The following GPSM2 variants were observed in gnomAD, a reference collection of about 807,000 sequenced individuals.
GPSM2 encodes the protein G protein-signaling modulator 2.
In GPSM2, 58 loss-of-function variants were observed where a neutral mutation model predicts 78.4. That is an observed-to-expected ratio of 0.74 (90% CI 0.60 to 0.92). The LOEUF (loss-of-function observed/expected upper bound fraction) is 0.92. Ranked by LOEUF, GPSM2 falls within the 40% of genes least tolerant of loss-of-function variation. The pLI is 0.00. For synonymous variants in GPSM2, 224 were observed against 280.2 expected, an observed-to-expected ratio of 0.80 and a Z score of 2.00; for missense variants, 700 against 815.5, an observed-to-expected ratio of 0.86 and a Z score of 1.73.
rs147906282 is a variant in GPSM2, at chr1:108,922,448, G to A, written c.1472G>A (p.Gly491Glu). 2.5e-6 allele frequency: 4 copies of A among 1,611,928 alleles called. No individual in the cohort carries two copies. Among genetic ancestry groups the A allele is most frequent in the Admixed American group, 1.7e-5 (1 of 59,986 alleles). Residue 491 changes from glycine (G) to glutamate (E), a missense_variant, in exon 13 of 15, where the codon GGG becomes GAG. Coordinates refer to ENST00000264126, the MANE Select transcript of GPSM2 (RefSeq NM_013296.5). ...AGTGCAGATACTATTGGAGATGAAG[G>A]GTTCTTTGACTTATTAAGCCGATTT... ...KISADTIGDE[G>E]FFDLLSRFQS...
At position 108,929,995 on chromosome 1, in the gene GPSM2, CT is replaced by C; in HGVS notation, c.*61del. On this transcript the variant is annotated 3_prime_UTR_variant, in exon 15 of 15. Coordinates refer to ENST00000264126, the MANE Select transcript of GPSM2 (RefSeq NM_013296.5). ...AACACGGTAAGGAAACAATCTATTACTTTTTTCCTTAAAAGGAGAATTTATA... is the reference window on the plus strand; with the variant it reads ...AACACGGTAAGGAAACAATCTATTACTTTTTCCTTAAAAGGAGAATTTATA... 2.7e-6 allele frequency: 4 copies of C among 1,506,644 alleles called. No homozygotes were observed. The highest frequency in any genetic ancestry group is 1.7e-5 in the Admixed American group (1 of 57,624). The allele number at this position is 1,506,644 out of a possible 1,614,324, so 93.3% of individuals were successfully genotyped here. A position where few individuals can be genotyped will look rare whatever the true frequency, so the allele number is the denominator to read the frequency against.
chr1:108,898,828 T>A (rs1044354230), intron 6 of GPSM2, 51 bp from the exon 7 acceptor site: 5 of 1,603,092 alleles, frequency 3.1e-6, no homozygotes, highest in Non-Finnish European at 4.3e-6. Flanking sequence ...AGTGATTAGA[T>A]CATTCTTCAG....
rs184295904 is a variant in GPSM2 at position 108,904,470 on chromosome 1, G to A, written c.1192+216G>A. Among the ~76,000 whole-genome samples, 232 of 148,536 alleles carry A rather than the reference G, an allele frequency of 1.6e-3. 1 individual carries two copies. Among genetic ancestry groups the A allele is most frequent in the African/African-American group, 3.8e-3 (157 of 40,904 alleles). ...TAATTATAATATATAATTTATAAGT[G>A]TAAAACAATATTTTATAGTTTTTAC... On this transcript the variant is annotated intron_variant, in intron 10 of 14. Coordinates refer to ENST00000264126, the MANE Select transcript of GPSM2 (RefSeq NM_013296.5).
rs1570876539 is a variant in GPSM2, at chr1:108,885,484, TA to T, written c.-35del. 8.5e-7 allele frequency: 1 copy of T among 1,171,020 alleles called. No individual in the cohort carries two copies. The highest frequency in any genetic ancestry group is 1.3e-6 in the Non-Finnish European group (1 of 778,980). 72.5% of individuals were successfully genotyped at this position (1,171,020 alleles called of 1,614,324 possible). ...TGTAAAGGACTGGATTGGCACAAAA[TA>T]AAATAATTTTATTTTATTCAGCTTA... is the stretch of plus-strand genomic sequence containing the variant. On this transcript the variant is annotated 5_prime_UTR_variant, in exon 2 of 15. Transcript: ENST00000264126.
chr1:108,917,611 C>CACACACATATAT (rs1312607573), intron 11 of GPSM2, among the ~76,000 whole-genome samples: 17 of 22,660 alleles, frequency 7.5e-4, no homozygotes, highest in Non-Finnish European at 1.1e-3. Context: ...CACACACACA[C>CACACACATATAT]ATATATATAT....
chr1:108,897,761 T>C (rs1246837712), intron 4 of GPSM2, 134 bp downstream of exon 4: 3 of 981,660 alleles, frequency 3.1e-6, no homozygotes, highest in Non-Finnish European at 4.4e-6. Context: ...CTAATAGAAG[T>C]AAAAGAAAAA....
Position 108,885,722 on chromosome 1 carries a change from G to GT in GPSM2, c.56+145dup, listed in dbSNP as rs150095508. The GT allele has an allele frequency of 0.043, 28,064 of 648,348 alleles. 783 individuals are homozygous for GT. The highest frequency in any genetic ancestry group is 0.087 in the African/African-American group (4,828 of 55,266). 40.2% of individuals were successfully genotyped at this position (648,348 alleles called of 1,614,324 possible). A position where few individuals can be genotyped will look rare whatever the true frequency, so the allele number is the denominator to read the frequency against. On this transcript the variant is annotated intron_variant, in intron 2 of 14. Coordinates refer to ENST00000264126, the MANE Select transcript of GPSM2 (RefSeq NM_013296.5). ...CTGTAGACAATATTTTCTTTTTGTT[G>GT]TAAGTTTTCCTTTCTGTAAGAAAAT... is the stretch of plus-strand genomic sequence containing the variant.
rs1485265030 is a variant in GPSM2 at position 108,918,663 on chromosome 1, C to T, written c.1314C>T (p.Ala438=). 2.5e-6 allele frequency: 4 copies of T among 1,613,168 alleles called. No individual in the cohort carries two copies. Among genetic ancestry groups the T allele is most frequent in the African/African-American group, 2.7e-5 (2 of 74,902 alleles). Residue 438 remains alanine (A), a synonymous_variant, in exon 12 of 15, where the codon GCC becomes GCT. Transcript: ENST00000264126. ...EILAKQKPLI[A]KPSAKLLFVN... ...TTGCTAAGCAAAAACCTCTTATTGCCAAACCTTCTGCAAAGCTACTCTTTG... is the reference window on the plus strand; with the variant it reads ...TTGCTAAGCAAAAACCTCTTATTGCTAAACCTTCTGCAAAGCTACTCTTTG...
chr1:108,922,133 A>G (rs904500065), intron 12 of GPSM2, among the ~76,000 whole-genome samples: 3 of 152,222 alleles, frequency 2.0e-5, no homozygotes, highest in Admixed American at 6.5e-5. Context: ...AGCCTGAAGT[A>G]CAGGCCTGTA....
chr1:108,916,471 G>T (rs1650240045), intron 11 of GPSM2, among the ~76,000 whole-genome samples: 1 of 152,108 alleles, frequency 6.6e-6, no homozygotes. Context: ...AATTTTTAAA[G>T]GACTTTGTGA....
intron 2 of GPSM2, among the ~76,000 whole-genome samples, chr1:108,888,979 A>G (rs1647768579): frequency 6.6e-6 from 1 of 152,202 alleles, no homozygotes; most frequent in African/African-American, 2.4e-5. Context: ...GGAATTATAT[A>G]CTTTTTTCTT....
intron 4 of GPSM2, 74 bp downstream of exon 4, chr1:108,897,701 A>T: frequency 7.8e-7 from 1 of 1,276,724 alleles, no homozygotes; most frequent in Admixed American, 2.1e-5. Context: ...CTATTTAATT[A>T]TTCTATAGTT....
chr1:108,916,516 T>C (rs941373702), intron 11 of GPSM2, among the ~76,000 whole-genome samples: 1 of 152,242 alleles, frequency 6.6e-6, no homozygotes, highest in African/African-American at 2.4e-5. Context: ...CTGTGAGTGG[T>C]TCTCAAATAT....
chr1:108,885,096 C>G lies in GPSM2; in HGVS notation c.-248-179C>G, dbSNP rs146593396. 3.9e-3 allele frequency among the ~76,000 whole-genome samples: 590 copies of G among 152,236 alleles called. 9 individuals are homozygous for G. The highest frequency in any genetic ancestry group is 0.013 in the African/African-American group (552 of 41,530). On this transcript the variant is annotated intron_variant, in intron 1 of 14. Transcript: ENST00000264126. ...AAAAATTACAGTTCTCAAATCTCAT[C>G]TATTCCCACCCCTATTTAGAAGCTC...
chr1:108,925,543 G>GGGTGT (rs1651054933), intron 14 of GPSM2, among the ~76,000 whole-genome samples: 1 of 152,110 alleles, frequency 6.6e-6, no homozygotes, highest in African/African-American at 2.4e-5. Context: ...GGGAGGGGTG[G>GGGTGT]GGTGTGGTGT....
At chr1:108,878,425 CA>C (rs1482438159) in intron 1 of GPSM2, among the ~76,000 whole-genome samples, 6 of 152,114 alleles carry the variant, frequency 3.9e-5, no homozygotes, top group African/African-American at 1.4e-4. Flanking sequence ...GGCATGTCTC[CA>C]AAATCCTCTC....
intron 2 of GPSM2, among the ~76,000 whole-genome samples, chr1:108,890,950 G>A (rs1452974836): frequency 1.3e-5 from 2 of 152,096 alleles, no homozygotes; most frequent in African/African-American, 4.8e-5. Flanking sequence ...TATTGTGATT[G>A]TATTTTTTGA....
chr1:108,922,304 T>C, intron 12 of GPSM2, 113 bp from the exon 13 acceptor site: 1 of 772,162 alleles, frequency 1.3e-6, no homozygotes, highest in Non-Finnish European at 2.2e-6. Context: ...AAAATGTCAA[T>C]TTTTAATCCT....
chr1:108,880,579 C>CAAAAA (rs56323759), intron 1 of GPSM2, among the ~76,000 whole-genome samples: 7 of 119,996 alleles, frequency 5.8e-5, no homozygotes, highest in African/African-American at 2.2e-4. Context: ...GACTCCGTCT[C>CAAAAA]AAAAAAAAAA....
Sources: allele counts gnomAD v4.1 joint callset (sites outside exome capture counted in the v4.1 genomes callset), GRCh38; gene constraint gnomAD v4.1.1; transcripts MANE v1.5; gene names NCBI Gene and HGNC (gene_info 2026-07-23, HGNC 2026-07-21).